CUBN: variants seen among roughly 807,000 people sequenced by gnomAD.
The protein encoded by CUBN is 460 kDa receptor.
In CUBN, 282 loss-of-function variants were observed where a neutral mutation model predicts 405.3. The ratio of observed to expected loss-of-function variants is 0.70; its 90% confidence interval spans 0.63 to 0.77. CUBN has a LOEUF of 0.77. CUBN is among the 30% of genes least tolerant of loss of function. The pLI is 0.00. For synonymous variants in CUBN, 1,684 were observed against 1,617.0 expected (o/e 1.04, Z -0.99); for missense variants, 4,514 against 4,475.2 (o/e 1.01, Z -0.25).
chr10:17,106,615 G>T (rs1316203044), intron 10 of CUBN, among the ~76,000 whole-genome samples: 1 of 122,916 alleles, frequency 8.1e-6, no homozygotes, highest in African/African-American at 3.0e-5. Context: ...AAAAAAAAAA[G>T]CCCTATATAG....
At chr10:17,104,366 G>A in intron 12 of CUBN, 53 bp downstream of exon 12, 1 of 1,559,732 alleles carries the variant, frequency 6.4e-7, no homozygotes. Context: ...ACTCACTAAA[G>A]GATGCTGCTG....
rs760717240 is a variant in CUBN, at chr10:16,952,385, G to T, written c.4860C>A (p.Cys1620Ter). ...ATGAGCTGGTGAGGATGTGGCCTCC[G>T]CAGGCTGGGGAACACACAAACACAC... ...RGFRAQFRQACGGHILTSSFD... is the reference protein window; with the variant it reads ...RGFRAQFRQA Residue 1620 changes from cysteine to a stop codon, truncating the protein, a stop_gained, in exon 33 of 67, where the codon TGC (cysteine) becomes TGA (stop). Coordinates refer to ENST00000377833, the MANE Select transcript of CUBN (RefSeq NM_001081.4). LOFTEE classifies it high-confidence loss of function. 1 of 1,596,734 alleles carries T rather than the reference G, an allele frequency of 6.3e-7. No individual in the cohort carries two copies. The highest frequency in any genetic ancestry group is 8.6e-7 in the Non-Finnish European group (1 of 1,164,322).
intron 47 of CUBN, among the ~76,000 whole-genome samples, 158 bp from the exon 48 acceptor site, chr10:16,914,150 A>G (rs182894611): frequency 1.3e-5 from 2 of 152,360 alleles, no homozygotes; most frequent in African/African-American, 2.4e-5. Context: ...GAACATATAC[A>G]TTCATTTTTT....
intron 28 of CUBN, 21 bp from the exon 29 acceptor site, chr10:16,990,536 AG>A (rs1344498336): frequency 6.2e-7 from 1 of 1,613,386 alleles, no homozygotes; most frequent in South Asian, 1.1e-5. Flanking sequence ...AGAAAGGTTC[AG>A]TCAGTTCAAA....
At chr10:17,047,927 G>T (rs1378086285) in intron 22 of CUBN, among the ~76,000 whole-genome samples, 1 of 152,174 alleles carries the variant, frequency 6.6e-6, no homozygotes, top group Non-Finnish European at 1.5e-5. Flanking sequence ...CTGCAGGAGG[G>T]CCTAGAAATA....
intron 66 of CUBN, among the ~76,000 whole-genome samples, chr10:16,826,346 A>T (rs1398126181): frequency 6.6e-6 from 1 of 152,218 alleles, no homozygotes; most frequent in African/African-American, 2.4e-5. Flanking sequence ...GTATACATAC[A>T]AAAGTATACA....
In CUBN at chr10:16,851,524, A is replaced by G. The variant is rs963703992; in HGVS notation, c.9455-81T>C. ...TACATGGAGGGTTTTTAAAAAGAAC[A>G]TAGTTTCCATTTTCTGTCACACTCT... On this transcript the variant is annotated intron_variant, in intron 59 of 66. Transcript: ENST00000377833. 7 of 1,269,086 alleles carry G rather than the reference A, an allele frequency of 5.5e-6. No homozygotes were observed. The Admixed American group carries it at 6.8e-5, about 12-fold the overall frequency. The allele number at this position is 1,269,086 out of a possible 1,614,324, so 78.6% of individuals were successfully genotyped here.
At chr10:16,863,563 A>G (rs1397114878) in intron 59 of CUBN, among the ~76,000 whole-genome samples, 1 of 151,314 alleles carries the variant, frequency 6.6e-6, no homozygotes, top group Non-Finnish European at 1.5e-5. Flanking sequence ...AGACATATAC[A>G]TATATTTTTT....
At position 16,906,278 on chromosome 10, in the gene CUBN, T is replaced by G. The variant is rs144626884; in HGVS notation, c.7837A>C (p.Ile2613Leu). 283 of 1,614,092 alleles carry G rather than the reference T, an allele frequency of 1.8e-4. No homozygotes were observed. Among genetic ancestry groups the G allele is most frequent in the Admixed American group, 1.5e-3 (89 of 60,022 alleles). Reference protein sequence around the residue: ...LSNPNQGNSSISIHFEDFYLE... With the variant: ...LSNPNQGNSSLSIHFEDFYLE... ...TAAAAATCTTCAAAGTGAATGGAAA[T>G]GGATGAATTTCCCTGATTTGGATTG... Residue 2613 changes from isoleucine to leucine, a missense_variant, in exon 50 of 67, where the codon ATT becomes CTT. Transcript: ENST00000377833.
intron 6 of CUBN, among the ~76,000 whole-genome samples, chr10:17,121,254 T>TA (rs1308754661): frequency 6.6e-6 from 1 of 152,154 alleles, no homozygotes; most frequent in Non-Finnish European, 1.5e-5. Context: ...GTAAAAGTTT[T>TA]AAAGATCAGA....
At chr10:16,933,362 A>T (rs763417115) in intron 39 of CUBN, 78 bp from the exon 40 acceptor site, 1 of 1,284,352 alleles carries the variant, frequency 7.8e-7, no homozygotes, top group Non-Finnish European at 1.1e-6. Context: ...CTTGAAAGTG[A>T]CAGCCCTCTA....
chr10:16,974,847 TTAATAAA>T (rs1833045727), intron 31 of CUBN, among the ~76,000 whole-genome samples: 2 of 152,238 alleles, frequency 1.3e-5, no homozygotes, highest in South Asian at 4.1e-4. Flanking sequence ...CAACTTCCAC[TTAATAAA>T]TAGTAAATAT....
chr10:17,108,381 ATGTGTGTGTGTGTG>A (rs34953406), intron 10 of CUBN, among the ~76,000 whole-genome samples: 1 of 150,870 alleles, frequency 6.6e-6, no homozygotes, highest in South Asian at 2.1e-4. Flanking sequence ...TCACAAGTAT[ATGTGTGTGTGTGTG>A]TGTGTGTGTG....
At position 16,840,465 on chromosome 10, in the gene CUBN, T is replaced by C. The variant is rs143405367; in HGVS notation, c.9897A>G (p.Pro3299=). The C allele has an allele frequency of 1.2e-5, 20 of 1,613,814 alleles. No homozygotes were observed. The highest frequency in any genetic ancestry group is 2.5e-6 in the Non-Finnish European group (3 of 1,179,922). ...QNISSPNSSD[P]DVPFSICTWV... is the part of the protein sequence containing the mutation. ...AAGTACAGATGGAAAATGGGACATC[T>C]GGGTCTGATGAATTGGGTGATGAAA... The change falls in exon 62 of 67, where the codon CCA becomes CCG. Residue 3299 remains proline (P), a synonymous_variant. Coordinates refer to ENST00000377833, the MANE Select transcript of CUBN (RefSeq NM_001081.4).
intron 28 of CUBN, among the ~76,000 whole-genome samples, chr10:17,000,340 T>G (rs1429902962): frequency 6.6e-6 from 1 of 152,212 alleles, no homozygotes; most frequent in Non-Finnish European, 1.5e-5. Context: ...AACAGCACTT[T>G]ATAAATGAGT....
At chr10:17,097,195 G>C (rs1193429819) in intron 14 of CUBN, among the ~76,000 whole-genome samples, 1 of 151,966 alleles carries the variant, frequency 6.6e-6, no homozygotes, top group South Asian at 2.1e-4. Flanking sequence ...CAAATCCTTG[G>C]TAAGACTTAT....
intron 28 of CUBN, among the ~76,000 whole-genome samples, chr10:16,994,427 T>C (rs549881864): frequency 1.2e-4 from 19 of 152,250 alleles, no homozygotes; most frequent in Non-Finnish European, 2.4e-4. Flanking sequence ...TACTATTCTA[T>C]CCTTTACATG....
Position 16,939,037 on chromosome 10 carries a change from A to G in CUBN, c.5659T>C (p.Ser1887Pro), listed in dbSNP as rs887913043. 4 of 1,613,690 alleles carry G rather than the reference A, an allele frequency of 2.5e-6. No individual in the cohort carries two copies. Among genetic ancestry groups the G allele is most frequent in the Non-Finnish European group, 3.4e-6 (4 of 1,179,634 alleles). Reference protein sequence around the residue: ...NYQWTVNVNASHVVHGRILEM... With the variant: ...NYQWTVNVNAPHVVHGRILEM... ...AAGATTCTACCATGGACAACGTGAG[A>G]TGCATTCACATTTACTGTCCATTGG... Residue 1887 changes from serine (S) to proline (P), a missense_variant, in exon 38 of 67, where the codon TCT becomes CCT. By Grantham distance (74) the Ser-to-Pro change is moderately conservative (BLOSUM62 -1). Coordinates refer to ENST00000377833, the MANE Select transcript of CUBN (RefSeq NM_001081.4).
intron 17 of CUBN, among the ~76,000 whole-genome samples, chr10:17,077,857 A>G (rs557946329): frequency 2.6e-4 from 39 of 152,328 alleles, no homozygotes; most frequent in African/African-American, 7.9e-4. Flanking sequence ...GTTCTTTATT[A>G]GTATGTTTCA....
Sources: allele counts gnomAD v4.1 joint callset (sites outside exome capture counted in the v4.1 genomes callset), GRCh38; gene constraint gnomAD v4.1.1; transcripts MANE v1.5; gene names NCBI Gene and HGNC (gene_info 2026-07-23, HGNC 2026-07-21).